The following CCDC14 variants were observed in gnomAD, a reference collection of about 807,000 sequenced individuals.
CCDC14 encodes coiled-coil domain containing 14.
A neutral mutation model predicts 81.4 loss-of-function variants in CCDC14; 71 were observed. The ratio of observed to expected loss-of-function variants is 0.87; its 90% confidence interval spans 0.72 to 1.06. The LOEUF (loss-of-function observed/expected upper bound fraction) is 1.06, where lower values mean the gene tolerates loss of function less well. CCDC14 is among the 50% of genes least tolerant of loss of function. The probability of loss-of-function intolerance (pLI) is 0.00; values close to 1 mark genes in which losing one functional copy is unlikely to be tolerated. For missense variants in CCDC14, 1,046 were observed against 1,047.3 expected, an observed-to-expected ratio of 1.00 and a Z score of 0.02; for synonymous variants, 332 against 364.8, an observed-to-expected ratio of 0.91 and a Z score of 1.03.
Position 123,940,132 on chromosome 3 carries a change from G to A in CCDC14, c.1343+4717C>T, listed in dbSNP as rs141263611. ...AATTTAGTAGCAATTAAAACAGAAA[G>A]ACTTAGGGAAAAAAACCTAAAAGCC... On this transcript the variant is annotated intron_variant, in intron 9 of 12. Coordinates refer to ENST00000409697, the MANE Select transcript of CCDC14 (RefSeq NM_001366335.1). Among the ~76,000 whole-genome samples the A allele has an allele frequency of 3.2e-3, 485 of 151,638 alleles. 3 individuals carry two copies. The highest frequency in any genetic ancestry group is 0.011 in the African/African-American group (447 of 41,438).
chr3:123,896,759 C>T (rs2682249), downstream of CCDC14, among the ~76,000 whole-genome samples: 20,863 of 152,118 alleles, frequency 0.14, 2,478 homozygotes, highest in East Asian at 0.36. Flanking sequence ...GATTTGTTCC[C>T]ATAAGTATTC....
At chr3:123,928,223 C>T (rs2148840741) in intron 12 of CCDC14, among the ~76,000 whole-genome samples, 1 of 151,082 alleles carries the variant, frequency 6.6e-6, no homozygotes, top group South Asian at 2.1e-4. Flanking sequence ...TCTGGCCTGG[C>T]ACGGTGGCTC....
chr3:123,954,118 C>T (rs2037195985), intron 5 of CCDC14: 2 of 152,258 alleles, frequency 1.3e-5, no homozygotes, highest in South Asian at 4.2e-4. Context: ...GAAAGGTGCC[C>T]TGGATAAGAA....
At chr3:123,929,349 C>T (rs577851060) in intron 12 of CCDC14, among the ~76,000 whole-genome samples, 40 of 152,108 alleles carry the variant, frequency 2.6e-4, no homozygotes, top group African/African-American at 8.9e-4. Flanking sequence ...CTTACTCTGT[C>T]GCCCACGTTG....
At chr3:123,919,826 C>T (rs899961057) in intron 12 of CCDC14, among the ~76,000 whole-genome samples, 1 of 152,106 alleles carries the variant, frequency 6.6e-6, no homozygotes, top group Non-Finnish European at 1.5e-5. Context: ...GAGGTGGCCA[C>T]TTCTTCAAGT....
rs2034552436 is a variant in CCDC14 at position 123,914,617 on chromosome 3, G to A, written c.*162C>T. On this transcript the variant is annotated 3_prime_UTR_variant, in exon 13 of 13. Transcript: ENST00000409697. ...AACTTAAGATGACTTGTTTTTATAA[G>A]CTCCTCAGTGTCAATATATCTCAAC... 1 of 1,291,078 alleles carries A rather than the reference G, an allele frequency of 7.7e-7. No homozygotes were observed. Among genetic ancestry groups the A allele is most frequent in the East Asian group, 3.0e-5 (1 of 33,262 alleles). The allele number at this position is 1,291,078 out of a possible 1,614,324, so 80.0% of individuals were successfully genotyped here. A position where few individuals can be genotyped will look rare whatever the true frequency, so the allele number is the denominator to read the frequency against.
rs1166212024 is a variant in CCDC14 at position 123,914,496 on chromosome 3, T to A, written c.*283A>T. On this transcript the variant is annotated 3_prime_UTR_variant, in exon 13 of 13. Transcript: ENST00000409697. ...CTGTACCCTTAATCCAGCAGATACA[T>A]CTTAATAAAAGAACTCTAATTGCTA... 9.5e-7 allele frequency: 1 copy of A among 1,048,466 alleles called. No individual in the cohort carries two copies. Among genetic ancestry groups the A allele is most frequent in the Non-Finnish European group, 1.1e-6 (1 of 871,114 alleles). 64.9% of individuals were successfully genotyped at this position (1,048,466 alleles called of 1,614,324 possible).
chr3:123,941,135 G>C (rs1230991357), intron 9 of CCDC14, among the ~76,000 whole-genome samples: 1 of 151,922 alleles, frequency 6.6e-6, no homozygotes, highest in African/African-American at 2.4e-5. Flanking sequence ...CTTAACTGGA[G>C]GTAATACCCA....
At position 123,914,198 on chromosome 3, in the gene CCDC14, A is replaced by G. The variant is rs1253907384; in HGVS notation, c.*581T>C. On this transcript the variant is annotated 3_prime_UTR_variant, in exon 13 of 13. Coordinates refer to ENST00000409697, the MANE Select transcript of CCDC14 (RefSeq NM_001366335.1). Reference sequence around the variant, plus strand: ...AAGTGCCCAAGTTTTAAGAAGCCATATGTTAACTTAGGATGTTATCTATAT... The same window carrying G: ...AAGTGCCCAAGTTTTAAGAAGCCATGTGTTAACTTAGGATGTTATCTATAT... 1.0e-6 allele frequency: 1 copy of G among 984,546 alleles called. No individual in the cohort carries two copies. The highest frequency in any genetic ancestry group is 1.7e-5 in the African/African-American group (1 of 57,212). The allele number at this position is 984,546 out of a possible 1,614,324, so 61.0% of individuals were successfully genotyped here. A position where few individuals can be genotyped will look rare whatever the true frequency, so the allele number is the denominator to read the frequency against.
intron 5 of CCDC14, among the ~76,000 whole-genome samples, chr3:123,905,285 G>A (rs1037083672): frequency 6.6e-6 from 1 of 152,142 alleles, no homozygotes; most frequent in Admixed American, 6.5e-5. Flanking sequence ...AAGGTGGCCA[G>A]GCAGAAGGTG....
chr3:123,933,659 G>C lies in CCDC14; in HGVS notation c.1426+14C>G, dbSNP rs774554086. ...CACAAATAATTTATCAATCCTTAAA[G>C]TTCTTTTACCTACATTCAAGGTTGC... On this transcript the variant is annotated intron_variant, in intron 10 of 12. Transcript: ENST00000409697. 1.6e-5 allele frequency: 24 copies of C among 1,541,302 alleles called. No individual in the cohort carries two copies. The highest frequency in any genetic ancestry group is 3.4e-4 in the Middle Eastern group (2 of 5,970).
intron 12 of CCDC14, chr3:123,930,880 CT>C (rs2035661541): frequency 2.2e-6 from 1 of 454,010 alleles, no homozygotes; most frequent in African/African-American, 2.0e-5. Flanking sequence ...TCAGGACCCC[CT>C]GCCCAGAATC....
intron 5 of CCDC14, among the ~76,000 whole-genome samples, chr3:123,906,412 A>G (rs753166212): frequency 1.3e-5 from 2 of 149,296 alleles, no homozygotes; most frequent in Non-Finnish European, 3.0e-5. Context: ...TAGAAGAGTT[A>G]AGAATAGACA....
chr3:123,922,751 C>G (rs1018863207), intron 12 of CCDC14, among the ~76,000 whole-genome samples: 1 of 152,046 alleles, frequency 6.6e-6, no homozygotes, highest in African/African-American at 2.4e-5. Flanking sequence ...CAGGACAAGA[C>G]AGCTTTATAG....
chr3:123,891,764 C>T, the CCDC14 span, among the ~76,000 whole-genome samples: 349 of 152,346 alleles, frequency 2.3e-3, 1 homozygote, highest in African/African-American at 8.1e-3. Context: ...CTGCCTGTTA[C>T]CCAGTTCCAA....
At position 123,948,573 on chromosome 3, in the gene CCDC14, AT is replaced by A. The variant is rs1486482654; in HGVS notation, c.684+117del. 18 of 858,170 alleles carry A rather than the reference AT, an allele frequency of 2.1e-5. No homozygotes were observed. The East Asian group carries it at 3.2e-4, about 15-fold the overall frequency. 53.2% of individuals were successfully genotyped at this position (858,170 alleles called of 1,614,324 possible). A position where few individuals can be genotyped will look rare whatever the true frequency, so the allele number is the denominator to read the frequency against. ...TGTAAAACTTTTATAGCAAAAAAAA[AT>A]AAACAACTGGTCTTTAAATCCTAGT... On this transcript the variant is annotated intron_variant, in intron 7 of 12. Coordinates refer to ENST00000409697, the MANE Select transcript of CCDC14 (RefSeq NM_001366335.1).
intron 7 of CCDC14, among the ~76,000 whole-genome samples, 164 bp from the exon 8 acceptor site, chr3:123,947,483 CTA>C (rs1194212106): frequency 2.6e-5 from 4 of 152,050 alleles, no homozygotes; most frequent in African/African-American, 9.7e-5. Flanking sequence ...TGAGGATATA[CTA>C]TAGTCTGTGT....
At chr3:123,888,513 T>A in the CCDC14 span, among the ~76,000 whole-genome samples, 2 of 152,186 alleles carry the variant, frequency 1.3e-5, no homozygotes, top group Non-Finnish European at 2.9e-5. Flanking sequence ...CATTAGTCAG[T>A]TTTCACACTG....
chr3:123,923,515 C>A (rs986332144), intron 12 of CCDC14, among the ~76,000 whole-genome samples: 2 of 151,908 alleles, frequency 1.3e-5, no homozygotes, highest in Admixed American at 6.6e-5. Context: ...ATTTTATACA[C>A]AGAAAATCCT....
Sources: allele counts gnomAD v4.1 joint callset (sites outside exome capture counted in the v4.1 genomes callset), GRCh38; gene constraint gnomAD v4.1.1; transcripts MANE v1.5; gene names NCBI Gene and HGNC (gene_info 2026-07-23, HGNC 2026-07-21).